FAM174A: variants seen among roughly 807,000 people sequenced by gnomAD.
FAM174A encodes the protein family with sequence similarity 174 member A.
A neutral mutation model predicts 14.3 loss-of-function variants in FAM174A; 14 were observed. The ratio of observed to expected loss-of-function variants is 0.98; its 90% CI spans 0.65 to 1.53. The LOEUF (loss-of-function observed/expected upper bound fraction) is 1.53. Among genes scored for constraint, FAM174A ranks in the 40% most tolerant of loss-of-function variants. The pLI is 0.00. For synonymous variants in FAM174A, 108 were observed against 111.4 expected, an observed-to-expected ratio of 0.97 and a Z score of 0.19; for missense variants, 241 against 249.6, an observed-to-expected ratio of 0.97 and a Z score of 0.23.
intron 1 of FAM174A, among the ~76,000 whole-genome samples, chr5:100,540,401 A>T (rs1746025744): frequency 6.6e-6 from 1 of 152,156 alleles, no homozygotes; most frequent in Non-Finnish European, 1.5e-5. Flanking sequence ...CATTCATGGA[A>T]CTTCCATTAT....
intron 1 of FAM174A, among the ~76,000 whole-genome samples, chr5:100,541,168 G>C (rs1746043287): frequency 6.6e-6 from 1 of 152,070 alleles, no homozygotes; most frequent in African/African-American, 2.4e-5. Flanking sequence ...GAATATTAGG[G>C]CTTCAAAGAT....
chr5:100,556,400 GC>G (rs575134800), intron 1 of FAM174A, among the ~76,000 whole-genome samples: 143 of 152,236 alleles, frequency 9.4e-4, no homozygotes, highest in Non-Finnish European at 1.6e-3. Flanking sequence ...TCTTCTTTTG[GC>G]TTAGGATTGA....
At chr5:100,581,619 T>G (rs1747019087) in intron 2 of FAM174A, among the ~76,000 whole-genome samples, 1 of 152,156 alleles carries the variant, frequency 6.6e-6, no homozygotes, top group Admixed American at 6.5e-5. Context: ...CTTGATAAGT[T>G]AAAAATAATT....
At chr5:100,538,159 G>A (rs1277608953) in intron 1 of FAM174A, among the ~76,000 whole-genome samples, 1 of 152,076 alleles carries the variant, frequency 6.6e-6, no homozygotes, top group South Asian at 2.1e-4. Flanking sequence ...CAATGTCTGG[G>A]CAGTGTTCCG....
chr5:100,576,818 T>A (rs1746914915), intron 2 of FAM174A, among the ~76,000 whole-genome samples: 1 of 152,208 alleles, frequency 6.6e-6, no homozygotes, highest in Non-Finnish European at 1.5e-5. Context: ...TAGAGGCAAT[T>A]TTTTTGTTTA....
In FAM174A at chr5:100,535,943, A is replaced by G; in HGVS notation, c.413A>G (p.Tyr138Cys). The G allele has an allele frequency of 6.3e-7, 1 of 1,595,850 alleles. No homozygotes were observed. Among genetic ancestry groups the G allele is most frequent in the Non-Finnish European group, 8.6e-7 (1 of 1,167,706 alleles). ...GTGGTGAGCGGCGCGGTGCTGGTGTACTTCGTGGTCAGGACGGTCAGGTGA... is the reference window on the plus strand; with the variant it reads ...GTGGTGAGCGGCGCGGTGCTGGTGTGCTTCGTGGTCAGGACGGTCAGGTGA... ...LMVVSGAVLV[Y>C]FVVRTVRMRR... Residue 138 changes from tyrosine (Y) to cysteine (C), a missense_variant, in exon 1 of 3, where the codon TAC becomes TGC. By Grantham distance (194) the Tyr-to-Cys change is radical. Transcript: ENST00000312637.
chr5:100,563,275 G>T (rs192235323), intron 2 of FAM174A, among the ~76,000 whole-genome samples: 1 of 151,598 alleles, frequency 6.6e-6, no homozygotes. Context: ...AATTAAAGAC[G>T]CATATAAGAT....
chr5:100,565,659 A>G lies in FAM174A; in HGVS notation c.569+3471A>G, dbSNP rs544199700. On this transcript the variant is annotated intron_variant, in intron 2 of 2. Coordinates refer to ENST00000312637, the MANE Select transcript of FAM174A (RefSeq NM_198507.3). ...GCTGGATATATATCCAAAGGAAACC[A>G]TTATTACATAGAGAGATCTGCACTC... Among the ~76,000 whole-genome samples, 77 of 151,900 alleles carry G rather than the reference A, an allele frequency of 5.1e-4. 1 individual carries two copies. The highest frequency in any genetic ancestry group is 5.9e-5 in the Non-Finnish European group (4 of 67,874).
chr5:100,583,559 T>C (rs1196522013), intron 2 of FAM174A, among the ~76,000 whole-genome samples: 1 of 152,208 alleles, frequency 6.6e-6, no homozygotes, highest in African/African-American at 2.4e-5. Flanking sequence ...TCAAGTCATT[T>C]TCTGTTCATT....
chr5:100,574,113 A>G (rs1746852380), intron 2 of FAM174A, among the ~76,000 whole-genome samples: 1 of 152,190 alleles, frequency 6.6e-6, no homozygotes, highest in Non-Finnish European at 1.5e-5. Context: ...ATGTGAGCAC[A>G]ATGTACCACT....
rs143134035 is a variant in FAM174A at position 100,580,648 on chromosome 5, C to G, written c.570-5533C>G. 2.3e-4 allele frequency among the ~76,000 whole-genome samples: 35 copies of G among 152,336 alleles called. 1 individual carries two copies. In the East Asian group the frequency reaches 3.9e-3, roughly 17 times the overall value. Reference sequence around the variant, plus strand: ...ATCTGCCGCTCTGAGTCCACTGACTCAAATGTTAATCTCCTTTGGTAGCAC... The same window carrying G: ...ATCTGCCGCTCTGAGTCCACTGACTGAAATGTTAATCTCCTTTGGTAGCAC... On this transcript the variant is annotated intron_variant, in intron 2 of 2. Transcript: ENST00000312637.
intron 2 of FAM174A, among the ~76,000 whole-genome samples, chr5:100,581,908 T>C (rs547283021): frequency 6.6e-6 from 1 of 152,296 alleles, no homozygotes; most frequent in East Asian, 1.9e-4. Flanking sequence ...AATTTGCATA[T>C]GTTTTGAGGT....
intron 1 of FAM174A, among the ~76,000 whole-genome samples, chr5:100,536,836 GTTA>G (rs1461795227): frequency 6.6e-6 from 1 of 152,086 alleles, no homozygotes; most frequent in Non-Finnish European, 1.5e-5. Flanking sequence ...TAAACAAGTC[GTTA>G]TTATCATGAA....
intron 2 of FAM174A, among the ~76,000 whole-genome samples, chr5:100,565,920 G>A (rs1449856820): frequency 6.6e-6 from 1 of 151,410 alleles, no homozygotes; most frequent in African/African-American, 2.4e-5. Context: ...GCAGGCAAGA[G>A]AGCATGTGTA....
intron 2 of FAM174A, among the ~76,000 whole-genome samples, chr5:100,578,868 A>T (rs1183119747): frequency 6.6e-6 from 1 of 152,120 alleles, no homozygotes; most frequent in African/African-American, 2.4e-5. Flanking sequence ...TGCATAGCCC[A>T]ATGTGTTGCA....
At chr5:100,566,899 G>A (rs750099056) in intron 2 of FAM174A, among the ~76,000 whole-genome samples, 9 of 151,824 alleles carry the variant, frequency 5.9e-5, no homozygotes, top group Non-Finnish European at 1.2e-4. Context: ...AGATTACCCT[G>A]ACTGCATGGG....
intron 1 of FAM174A, among the ~76,000 whole-genome samples, chr5:100,547,667 G>A (rs17447382): frequency 0.2 from 30,729 of 151,916 alleles, 3,601 homozygotes; most frequent in Admixed American, 0.33. Flanking sequence ...GATAGAACCC[G>A]CCTGAAAGAT....
rs182324979 is a variant in FAM174A at position 100,571,691 on chromosome 5, T to C, written c.569+9503T>C. ...GTGTGTGTATATATATATATATATATACACACACACACCCTATTACTTTAC... is the reference window on the plus strand; with the variant it reads ...GTGTGTGTATATATATATATATATACACACACACACACCCTATTACTTTAC... On this transcript the variant is annotated intron_variant, in intron 2 of 2. Transcript: ENST00000312637. Among the ~76,000 whole-genome samples, 655 of 146,594 alleles carry C rather than the reference T, an allele frequency of 4.5e-3. 1 individual carries two copies. Among genetic ancestry groups the C allele is most frequent in the Non-Finnish European group, 6.2e-3 (411 of 66,716 alleles).
chr5:100,578,675 C>G (rs1021316028), intron 2 of FAM174A, among the ~76,000 whole-genome samples: 2 of 151,970 alleles, frequency 1.3e-5, no homozygotes, highest in African/African-American at 4.8e-5. Context: ...TTTTTTTGAT[C>G]ACCATCATCC....
Sources: gnomAD v4.1 joint callset for allele counts (sites outside exome capture counted in the v4.1 genomes callset) on GRCh38, gnomAD v4.1.1 for gene constraint, MANE v1.5 for transcripts, NCBI Gene and HGNC (gene_info 2026-07-23, HGNC 2026-07-21) for gene names.